RHBDL3: variants seen among roughly 807,000 people sequenced by gnomAD.
RHBDL3 encodes rhomboid like 3, also known as rhomboid-related protein 3.
A neutral mutation model predicts 48.2 loss-of-function variants in RHBDL3; 28 were observed. The observed-to-expected ratio is 0.58, with a 90% CI of 0.43 to 0.80. The LOEUF is 0.80. Ranked by LOEUF, RHBDL3 falls within the 30% of genes least tolerant of loss-of-function variation. RHBDL3 has a pLI of 0.00. For missense variants in RHBDL3, 464 were observed against 542.7 expected (o/e 0.85, Z 1.44); for synonymous variants, 208 against 232.3 (o/e 0.90, Z 0.95).
At position 32,321,063 on chromosome 17, in the gene RHBDL3, G is replaced by C; in HGVS notation, c.1049G>C (p.Gly350Ala). Residue 350 changes from glycine to alanine, a missense_variant, in exon 9 of 9, where the codon GGC becomes GCC. Coordinates refer to ENST00000269051, the MANE Select transcript of RHBDL3 (RefSeq NM_138328.3). ...GCGCACTTGGGTGGCGTGGCCGTGG[G>C]CATCACCCTGGGCGTGGTGGTCCTG... ...FVAHLGGVAVGITLGVVVLRN... is the reference protein window; with the variant it reads ...FVAHLGGVAVAITLGVVVLRN... 3.1e-6 allele frequency: 5 copies of C among 1,614,230 alleles called. No homozygotes were observed. The highest frequency in any genetic ancestry group is 4.2e-6 in the Non-Finnish European group (5 of 1,180,022).
intron 6 of RHBDL3, 81 bp from the exon 7 acceptor site, chr17:32,305,260 C>T (rs1228179279): frequency 1.1e-6 from 1 of 909,916 alleles, no homozygotes; most frequent in African/African-American, 1.6e-5. Context: ...AGCACGGAGC[C>T]TGCAGAATCC....
rs2041167297 is a variant in RHBDL3 at position 32,322,766 on chromosome 17, C to T, written c.*1537C>T. The T allele has an allele frequency of 1.3e-5, 2 of 152,452 alleles. No individual in the cohort carries two copies. The highest frequency in any genetic ancestry group is 4.1e-4 in the South Asian group (2 of 4,824). 9.4% of individuals were successfully genotyped at this position (152,452 alleles called of 1,614,324 possible). A position where few individuals can be genotyped will look rare whatever the true frequency, so the allele number is the denominator to read the frequency against. On this transcript the variant is annotated 3_prime_UTR_variant, in exon 9 of 9. Coordinates refer to ENST00000269051, the MANE Select transcript of RHBDL3 (RefSeq NM_138328.3). ...AAGATGGAGGGAATGACCCTCCTAA[C>T]AGGAGCTGGTGCAGGCCCCGAATGG...
chr17:32,294,207 C>A, intron 4 of RHBDL3, 87 bp from the exon 5 acceptor site: 2 of 1,118,278 alleles, frequency 1.8e-6, no homozygotes, highest in Non-Finnish European at 2.6e-6. Context: ...TGATAACTTC[C>A]TGTAGGGACT....
At chr17:32,295,948 C>T (rs760915267) in intron 5 of RHBDL3, among the ~76,000 whole-genome samples, 15 of 152,030 alleles carry the variant, frequency 9.9e-5, no homozygotes, top group South Asian at 2.1e-4. Flanking sequence ...GGGGTCCAGC[C>T]GGGCGCGGTG....
chr17:32,282,052 T>A (rs1384303818), intron 2 of RHBDL3, among the ~76,000 whole-genome samples: 2 of 152,362 alleles, frequency 1.3e-5, no homozygotes, highest in Middle Eastern at 3.4e-3. Flanking sequence ...ATCTGCTACA[T>A]AAAGTTGTGT....
intron 7 of RHBDL3, among the ~76,000 whole-genome samples, chr17:32,315,663 C>A (rs1034260991): frequency 6.6e-6 from 1 of 151,942 alleles, no homozygotes; most frequent in Admixed American, 6.6e-5. Flanking sequence ...GAAACTTACT[C>A]TGAGCTAAAA....
intron 2 of RHBDL3, among the ~76,000 whole-genome samples, chr17:32,278,917 AG>A (rs1402054694): frequency 6.6e-6 from 1 of 152,168 alleles, no homozygotes; most frequent in Non-Finnish European, 1.5e-5. Context: ...GCTTGAGGCC[AG>A]GAGTTCAAGA....
At chr17:32,276,245 C>G (rs111559910) in intron 2 of RHBDL3, among the ~76,000 whole-genome samples, 1 of 141,432 alleles carries the variant, frequency 7.1e-6, no homozygotes, top group South Asian at 2.3e-4. Context: ...GGCATGAGAA[C>G]AAAAAAACAA....
intron 8 of RHBDL3, among the ~76,000 whole-genome samples, chr17:32,319,144 C>T (rs965725219): frequency 6.6e-6 from 1 of 151,766 alleles, no homozygotes; most frequent in African/African-American, 2.4e-5. Flanking sequence ...AAAATCCGGC[C>T]GGACGCGGTG....
Position 32,292,822 on chromosome 17 carries a change from AG to A in RHBDL3, c.520-1470del, listed in dbSNP as rs1214674892. Reference sequence around the variant, plus strand: ...ACCTCAAAAAAAAAAAAAAAAAAAAAGGAAGGGAAGGCTGGGTGCAGTGGCT... The same window carrying A: ...ACCTCAAAAAAAAAAAAAAAAAAAAAGAAGGGAAGGCTGGGTGCAGTGGCT... On this transcript the variant is annotated intron_variant, in intron 4 of 8. Transcript: ENST00000269051. 4.0e-3 allele frequency among the ~76,000 whole-genome samples: 572 copies of A among 143,434 alleles called. 3 individuals carry two copies. The highest frequency in any genetic ancestry group is 6.9e-3 in the Non-Finnish European group (451 of 65,314). 94.1% of individuals were successfully genotyped at this position (143,434 alleles called of 152,430 possible).
At chr17:32,267,354 C>CA (rs1261801125) in intron 1 of RHBDL3, among the ~76,000 whole-genome samples, 11 of 141,942 alleles carry the variant, frequency 7.7e-5, no homozygotes, top group Admixed American at 2.1e-4. Context: ...CCCTTCCCCG[C>CA]AAAAAAACAA....
At chr17:32,289,887 C>T (rs553093897) in intron 4 of RHBDL3, among the ~76,000 whole-genome samples, 4 of 152,324 alleles carry the variant, frequency 2.6e-5, no homozygotes, top group African/African-American at 7.2e-5. Context: ...TCAAAAGCTT[C>T]GCGGCATCCT....
chr17:32,268,333 A>G (rs1951956404), intron 2 of RHBDL3, among the ~76,000 whole-genome samples: 1 of 152,084 alleles, frequency 6.6e-6, no homozygotes, highest in Non-Finnish European at 1.5e-5. Flanking sequence ...CTGAAGTCAA[A>G]TCTCTGCCAT....
At chr17:32,311,023 G>A (rs2159390) in intron 7 of RHBDL3, among the ~76,000 whole-genome samples, 5,892 of 151,942 alleles carry the variant, frequency 0.039, 137 homozygotes, top group Middle Eastern at 0.065. Context: ...ACAAGAAACC[G>A]TTTCTACCAG....
In RHBDL3 at chr17:32,265,982, G is replaced by A. The variant is rs931370983; in HGVS notation, c.-208G>A. 4.1e-5 allele frequency among the ~76,000 whole-genome samples: 6 copies of A among 146,610 alleles called. No individual in the cohort carries two copies. Among genetic ancestry groups the A allele is most frequent in the Non-Finnish European group, 9.1e-5 (6 of 65,882 alleles). ...AGCTAGCGCAGTGAAGTTTGGCGGC[G>A]GAGGGGCCGGGCGTCCCGGGGTCGC... On this transcript the variant is annotated 5_prime_UTR_variant, in exon 1 of 9. Coordinates refer to ENST00000269051, the MANE Select transcript of RHBDL3 (RefSeq NM_138328.3).
chr17:32,312,471 C>G (rs2040866720), intron 7 of RHBDL3, among the ~76,000 whole-genome samples: 1 of 152,018 alleles, frequency 6.6e-6, no homozygotes, highest in Non-Finnish European at 1.5e-5. Context: ...GATATTTACT[C>G]AGAGGGGGCC....
intron 5 of RHBDL3, among the ~76,000 whole-genome samples, chr17:32,297,359 G>T (rs1018266911): frequency 2.6e-5 from 4 of 152,152 alleles, no homozygotes; most frequent in African/African-American, 7.2e-5. Flanking sequence ...CTACTTGGGA[G>T]GCTGAGACAG....
At chr17:32,294,046 T>C (rs551910011) in intron 4 of RHBDL3, among the ~76,000 whole-genome samples, 3 of 151,130 alleles carry the variant, frequency 2.0e-5, no homozygotes, top group African/African-American at 7.3e-5. Flanking sequence ...GAGAATCGCT[T>C]GAACCCAGGA....
intron 3 of RHBDL3, among the ~76,000 whole-genome samples, chr17:32,285,107 C>A (rs1369892512): frequency 7.1e-6 from 1 of 139,910 alleles, no homozygotes; most frequent in Non-Finnish European, 1.6e-5. Flanking sequence ...CAGGCTGCAC[C>A]TTGCAGAAGG....
Sources: allele counts gnomAD v4.1 joint callset (sites outside exome capture counted in the v4.1 genomes callset), GRCh38; gene constraint gnomAD v4.1.1; transcripts MANE v1.5; gene names NCBI Gene and HGNC (gene_info 2026-07-23, HGNC 2026-07-21).